Variants in SPAG16 observed in about 807,000 individuals in gnomAD.
SPAG16 encodes sperm-associated antigen 16 protein.
A neutral mutation model predicts 80.4 loss-of-function variants in SPAG16; 86 were observed. The observed-to-expected ratio is 1.07, with a 90% CI of 0.90 to 1.28. SPAG16 has a LOEUF of 1.28. Among genes scored for constraint, SPAG16 ranks in the 50% most tolerant of loss-of-function variants. SPAG16 has a pLI of 0.00. For missense variants in SPAG16, 870 were observed against 765.3 expected, an observed-to-expected ratio of 1.14 and a Z score of -1.61; for synonymous variants, 294 against 265.9, an observed-to-expected ratio of 1.11 and a Z score of -1.03.
chr2:214,022,120 A>G (rs1001278398), intron 13 of SPAG16, among the ~76,000 whole-genome samples: 7 of 152,122 alleles, frequency 4.6e-5, no homozygotes, highest in Non-Finnish European at 8.8e-5. Context: ...TAAAATGTTG[A>G]ACTTGGCGAA....
At chr2:213,625,200 C>G (rs113694894) in intron 10 of SPAG16, among the ~76,000 whole-genome samples, 1 of 151,994 alleles carries the variant, frequency 6.6e-6, no homozygotes, top group South Asian at 2.1e-4. Context: ...GGGTAATTGA[C>G]AAAGAAAAGA....
chr2:214,175,245 G>GTATATA (rs10627580), intron 15 of SPAG16, among the ~76,000 whole-genome samples: 2 of 142,888 alleles, frequency 1.4e-5, no homozygotes, highest in East Asian at 2.0e-4. Context: ...ATAAAGAAAT[G>GTATATA]TATATATATA....
intron 11 of SPAG16, among the ~76,000 whole-genome samples, chr2:213,884,150 T>C (rs1388563091): frequency 4.6e-5 from 7 of 152,040 alleles, no homozygotes; most frequent in African/African-American, 1.7e-4. Context: ...GGTGTCATTC[T>C]TTTGATTCCA....
At chr2:214,223,413 A>G in intron 15 of SPAG16, among the ~76,000 whole-genome samples, 1 of 152,140 alleles carries the variant, frequency 6.6e-6, no homozygotes, top group Admixed American at 6.6e-5. Flanking sequence ...GAATACGTAT[A>G]GCATATGAAC....
intron 10 of SPAG16, among the ~76,000 whole-genome samples, chr2:213,603,170 T>C (rs1330284378): frequency 6.6e-6 from 1 of 152,248 alleles, no homozygotes; most frequent in Non-Finnish European, 1.5e-5. Flanking sequence ...ATATAACAGC[T>C]GTTTTATCAA....
intron 9 of SPAG16, among the ~76,000 whole-genome samples, chr2:213,429,981 G>A (rs2070191026): frequency 6.6e-6 from 1 of 152,156 alleles, no homozygotes. Context: ...CTAGCGACAT[G>A]TCCTAACTAA....
chr2:213,469,742 A>T (rs1362405833), intron 9 of SPAG16, among the ~76,000 whole-genome samples: 1 of 151,940 alleles, frequency 6.6e-6, no homozygotes, highest in African/African-American at 2.4e-5. Flanking sequence ...CCTATATTCC[A>T]CGTATACTGT....
intron 15 of SPAG16, among the ~76,000 whole-genome samples, chr2:214,381,774 C>T (rs555395261): frequency 6.6e-6 from 1 of 152,294 alleles, no homozygotes; most frequent in South Asian, 2.1e-4. Context: ...CCAATCCAAA[C>T]AAAGCAAAGC....
chr2:214,023,418 G>C (rs554676603), intron 13 of SPAG16, among the ~76,000 whole-genome samples: 2 of 148,204 alleles, frequency 1.3e-5, no homozygotes, highest in South Asian at 4.3e-4. Context: ...AAAAAAAAAA[G>C]AAAAAAATAC....
At chr2:214,312,371 G>A (rs1399880231) in intron 15 of SPAG16, among the ~76,000 whole-genome samples, 1 of 152,168 alleles carries the variant, frequency 6.6e-6, no homozygotes, top group Non-Finnish European at 1.5e-5. Flanking sequence ...GCAGAGTAAA[G>A]ATAACTCATT....
chr2:213,604,364 C>A (rs2061179921), intron 10 of SPAG16, among the ~76,000 whole-genome samples: 1 of 151,878 alleles, frequency 6.6e-6, no homozygotes, highest in African/African-American at 2.4e-5. Flanking sequence ...TTACTGATTT[C>A]TCTTCATTGT....
intron 6 of SPAG16, among the ~76,000 whole-genome samples, chr2:213,346,415 C>T (rs534474739): frequency 7.1e-4 from 108 of 152,156 alleles, no homozygotes; most frequent in African/African-American, 2.4e-3. Flanking sequence ...CTTCCAACAC[C>T]GTGCTGAATA....
intron 3 of SPAG16, among the ~76,000 whole-genome samples, chr2:213,297,702 A>ATTTTGTGCTT (rs765215390): frequency 2.6e-5 from 4 of 152,224 alleles, no homozygotes; most frequent in Non-Finnish European, 5.9e-5. Context: ...TTTTGTAAAC[A>ATTTTGTGCTT]TTTTGTGTTT....
rs2055642795 is a variant in SPAG16, at chr2:214,146,469, G to A, written c.1594-2671G>A. 2.6e-5 allele frequency among the ~76,000 whole-genome samples: 4 copies of A among 152,122 alleles called. No homozygotes were observed. The South Asian group carries it at 8.3e-4, about 32-fold the overall frequency. Reference sequence around the variant, plus strand: ...TCAGGGTTGGAATTAATATTCACCTGCAAAACTGCTTTGGAAGGACTTGGA... The same window carrying A: ...TCAGGGTTGGAATTAATATTCACCTACAAAACTGCTTTGGAAGGACTTGGA... On this transcript the variant is annotated intron_variant, in intron 14 of 15. Coordinates refer to ENST00000331683, the MANE Select transcript of SPAG16 (RefSeq NM_024532.5).
At chr2:214,196,701 A>G (rs895714469) in intron 15 of SPAG16, among the ~76,000 whole-genome samples, 7 of 152,082 alleles carry the variant, frequency 4.6e-5, no homozygotes, top group African/African-American at 1.7e-4. Flanking sequence ...TAAAACATGC[A>G]TCATATACAA....
At chr2:213,759,232 C>A (rs960021184) in intron 10 of SPAG16, among the ~76,000 whole-genome samples, 21 of 152,044 alleles carry the variant, frequency 1.4e-4, no homozygotes, top group African/African-American at 5.1e-4. Context: ...AAATAAAGAT[C>A]TTAATAAAGG....
At chr2:213,892,506 C>A (rs2076821511) in intron 11 of SPAG16, among the ~76,000 whole-genome samples, 1 of 152,112 alleles carries the variant, frequency 6.6e-6, no homozygotes, top group Admixed American at 6.6e-5. Flanking sequence ...TATGTGAGCT[C>A]TCTGACAAAG....
At chr2:213,873,136 G>A (rs996349477) in intron 11 of SPAG16, among the ~76,000 whole-genome samples, 2 of 148,604 alleles carry the variant, frequency 1.3e-5, no homozygotes, top group African/African-American at 2.4e-5. Flanking sequence ...AAGTAGTAGT[G>A]TTAATTCTTC....
At chr2:213,939,283 A>G (rs1481070353) in intron 12 of SPAG16, among the ~76,000 whole-genome samples, 2 of 152,232 alleles carry the variant, frequency 1.3e-5, no homozygotes, top group African/African-American at 4.8e-5. Flanking sequence ...ACTGAATGGA[A>G]TGGTCCAGAC....
Sources: allele counts gnomAD v4.1 joint callset (sites outside exome capture counted in the v4.1 genomes callset), GRCh38; gene constraint gnomAD v4.1.1; transcripts MANE v1.5; gene names NCBI Gene and HGNC (gene_info 2026-07-23, HGNC 2026-07-21).